Variants in SEPTIN9 observed in about 807,000 individuals in gnomAD.
The protein encoded by SEPTIN9 is septin 9.
Under a neutral mutation model 56.6 loss-of-function variants are expected in SEPTIN9, and 13 were observed. The ratio of observed to expected loss-of-function variants is 0.23; its 90% CI spans 0.15 to 0.37. SEPTIN9 has a LOEUF of 0.37. Among genes scored for constraint, SEPTIN9 ranks in the 10% least tolerant of loss-of-function variants. SEPTIN9 has a pLI of 1.00. For missense variants in SEPTIN9, 650 were observed against 823.1 expected, an observed-to-expected ratio of 0.79 and a Z score of 2.57; for synonymous variants, 332 against 334.1, an observed-to-expected ratio of 0.99 and a Z score of 0.07.
chr17:77,301,740 T>C (rs1035804598), intron 1 of SEPTIN9, among the ~76,000 whole-genome samples: 9 of 152,192 alleles, frequency 5.9e-5, no homozygotes, highest in African/African-American at 2.2e-4. Context: ...TGTAGATGAC[T>C]TCTGTCATTA....
chr17:77,485,653 C>T (rs1021044688), intron 4 of SEPTIN9, among the ~76,000 whole-genome samples: 5 of 151,952 alleles, frequency 3.3e-5, no homozygotes, highest in African/African-American at 4.8e-5. Context: ...TGACATAACT[C>T]CTGACCTGAG....
At chr17:77,408,765 A>G (rs899296142) in intron 3 of SEPTIN9, among the ~76,000 whole-genome samples, 1 of 152,082 alleles carries the variant, frequency 6.6e-6, no homozygotes, top group African/African-American at 2.4e-5. Flanking sequence ...GAAGTTGGGG[A>G]GAGGGTGACC....
intron 7 of SEPTIN9, among the ~76,000 whole-genome samples, chr17:77,489,453 C>T (rs1598464983): frequency 6.6e-6 from 1 of 152,286 alleles, no homozygotes; most frequent in South Asian, 2.1e-4. Context: ...GCCTCACGGA[C>T]CCTCTGTCCT....
intron 3 of SEPTIN9, among the ~76,000 whole-genome samples, chr17:77,457,777 G>A (rs2038279885): frequency 6.6e-6 from 1 of 152,256 alleles, no homozygotes; most frequent in Non-Finnish European, 1.5e-5. Flanking sequence ...TCTGGACCGG[G>A]CACCCTGGTG....
chr17:77,492,041 GTAACC>G lies in SEPTIN9; in HGVS notation c.1381-577_1381-573del, dbSNP rs2040054468. Among the ~76,000 whole-genome samples, 1 of 152,086 alleles carries G rather than the reference GTAACC, an allele frequency of 6.6e-6. No individual in the cohort carries two copies. The highest frequency in any genetic ancestry group is 2.4e-5 in the African/African-American group (1 of 41,390). ...GCCTCGGTGGGTGTGGGTGGGGCCT[GTAACC>G]TACTCCGTCCTGGGGCCAGGTGTCA... On this transcript the variant is annotated intron_variant, in intron 8 of 11. Transcript: ENST00000427177. This position sits in a 1 kb window ranked among gnomAD's most constrained non-coding sequence, Gnocchi z 5.4.
intron 1 of SEPTIN9, among the ~76,000 whole-genome samples, chr17:77,303,262 G>A (rs1310806761): frequency 4.0e-5 from 6 of 151,368 alleles, no homozygotes; most frequent in African/African-American, 7.3e-5. Context: ...CACCACGCCC[G>A]GCTAATTTTT....
At chr17:77,352,991 C>T (rs1331382102) in intron 2 of SEPTIN9, among the ~76,000 whole-genome samples, 1 of 152,190 alleles carries the variant, frequency 6.6e-6, no homozygotes, top group African/African-American at 2.4e-5. Context: ...ATTTAGGGCC[C>T]ACTCTGATTC....
chr17:77,424,573 TCTC>T (rs2036828954), intron 3 of SEPTIN9, among the ~76,000 whole-genome samples: 1 of 152,298 alleles, frequency 6.6e-6, no homozygotes, highest in African/African-American at 2.4e-5. Flanking sequence ...AAGCTCTTGT[TCTC>T]CTCCAGGACT....
chr17:77,459,697 A>G (rs1271545210), intron 3 of SEPTIN9, among the ~76,000 whole-genome samples: 5 of 150,782 alleles, frequency 3.3e-5, no homozygotes, highest in Non-Finnish European at 5.9e-5. Flanking sequence ...ATGGCGAGAG[A>G]GAGAACTCCC....
chr17:77,457,032 A>C (rs867131318), intron 3 of SEPTIN9, among the ~76,000 whole-genome samples: 1 of 152,078 alleles, frequency 6.6e-6, no homozygotes, highest in African/African-American at 2.4e-5. Flanking sequence ...GGGGACTCAG[A>C]CTCCTCTACT....
At chr17:77,494,686 C>G (rs185079410) in intron 10 of SEPTIN9, among the ~76,000 whole-genome samples, 1 of 151,838 alleles carries the variant, frequency 6.6e-6, no homozygotes, top group Non-Finnish European at 1.5e-5. Context: ...CGCACCCACC[C>G]TCCTTGCAGA....
At position 77,320,001 on chromosome 17, in the gene SEPTIN9, G is replaced by C. The variant is rs879125711; in HGVS notation, c.76+12804G>C. On this transcript the variant is annotated intron_variant, in intron 2 of 11. Coordinates refer to ENST00000427177, the MANE Select transcript of SEPTIN9 (RefSeq NM_001113491.2). ...TCGCAGGCAGACCCGGTGGTCTGCC[G>C]GACTCCTCGGGGCCCACTTCGGGCC... The C allele has an allele frequency of 1.4e-5, 18 of 1,261,792 alleles. No homozygotes were observed. In the South Asian group the frequency reaches 2.9e-4, roughly 20 times the overall value. The allele number at this position is 1,261,792 out of a possible 1,614,324, so 78.2% of individuals were successfully genotyped here. A position where few individuals can be genotyped will look rare whatever the true frequency, so the allele number is the denominator to read the frequency against.
chr17:77,498,485 G>A (rs747669267), intron 11 of SEPTIN9, 38 bp from the exon 12 acceptor site: 5 of 537,346 alleles, frequency 9.3e-6, no homozygotes, highest in African/African-American at 6.5e-5. Flanking sequence ...ACCCCGCTGC[G>A]CCCACCTCAC....
chr17:77,366,774 G>A (rs1467528631), intron 2 of SEPTIN9, among the ~76,000 whole-genome samples: 1 of 152,230 alleles, frequency 6.6e-6, no homozygotes, highest in African/African-American at 2.4e-5. Context: ...GGAACTCCAA[G>A]CTGATTCAGT....
At chr17:77,406,861 G>A (rs2036099982) in intron 3 of SEPTIN9, among the ~76,000 whole-genome samples, 1 of 151,946 alleles carries the variant, frequency 6.6e-6, no homozygotes, top group African/African-American at 2.4e-5. Context: ...AGTAGAGACG[G>A]GGTTTCACCA....
Position 77,318,284 on chromosome 17 carries a change from C to T in SEPTIN9, c.76+11087C>T, listed in dbSNP as rs537961489. 6.6e-6 allele frequency among the ~76,000 whole-genome samples: 1 copy of T among 151,952 alleles called. No individual in the cohort carries two copies. Among genetic ancestry groups the T allele is most frequent in the East Asian group, 1.9e-4 (1 of 5,144 alleles). On this transcript the variant is annotated intron_variant, in intron 2 of 11. Coordinates refer to ENST00000427177, the MANE Select transcript of SEPTIN9 (RefSeq NM_001113491.2). This position sits in a 1 kb window ranked among gnomAD's most constrained non-coding sequence, Gnocchi z 4.9. ...CTTCAACACCAGCATCTACAGATCTCTCCGGGCCCCATCTCCACTTGGCCA... is the reference window on the plus strand; with the variant it reads ...CTTCAACACCAGCATCTACAGATCTTTCCGGGCCCCATCTCCACTTGGCCA...
Position 77,434,359 on chromosome 17 carries a change from C to T in SEPTIN9, c.721+31656C>T, listed in dbSNP as rs908311335. Among the ~76,000 whole-genome samples the T allele has an allele frequency of 2.0e-5, 3 of 152,218 alleles. No individual in the cohort carries two copies. The highest frequency in any genetic ancestry group is 4.8e-5 in the African/African-American group (2 of 41,446). ...AGAGTTGGTAGGGTGGCCTGCCCGGCGTCCGCACAGGGTCTGCTGGTGGGT... is the reference window on the plus strand; with the variant it reads ...AGAGTTGGTAGGGTGGCCTGCCCGGTGTCCGCACAGGGTCTGCTGGTGGGT... On this transcript the variant is annotated intron_variant, in intron 3 of 11. Transcript: ENST00000427177. The surrounding 1 kb of genome is among the most constrained non-coding windows in gnomAD (Gnocchi z 5.0).
rs914469310 is a variant in SEPTIN9 at position 77,326,160 on chromosome 17, G to A, written c.76+18963G>A. On this transcript the variant is annotated intron_variant, in intron 2 of 11. Transcript: ENST00000427177. This position sits in a 1 kb window ranked among gnomAD's most constrained non-coding sequence, Gnocchi z 5.1. ...CCACCCAACCTCACCCATGTGGTCC[G>A]CCCAGCAACCTTTGACCCCCAACAT... Among the ~76,000 whole-genome samples, 5 of 150,714 alleles carry A rather than the reference G, an allele frequency of 3.3e-5. No individual in the cohort carries two copies. Among genetic ancestry groups the A allele is most frequent in the Admixed American group, 6.6e-5 (1 of 15,104 alleles).
chr17:77,481,821 G>T (rs1199425364), intron 3 of SEPTIN9: 1 of 395,034 alleles, frequency 2.5e-6, no homozygotes, highest in Non-Finnish European at 4.7e-6. Flanking sequence ...GGAGTTCAGG[G>T]TCAGCCCTGC....
Sources: gnomAD v4.1 joint callset for allele counts (sites outside exome capture counted in the v4.1 genomes callset) on GRCh38, gnomAD v4.1.1 for gene constraint, Gnocchi (gnomAD v3.1) non-coding constraint, MANE v1.5 for transcripts, NCBI Gene and HGNC (gene_info 2026-07-23, HGNC 2026-07-21) for gene names.